The following PRICKLE2 variants were observed in gnomAD, a reference collection of about 807,000 sequenced individuals.
PRICKLE2 encodes prickle-like protein 2.
Under a neutral mutation model 81.4 loss-of-function variants are expected in PRICKLE2, and 21 were observed. That is an observed-to-expected ratio of 0.26 (90% CI 0.18 to 0.37). The LOEUF (loss-of-function observed/expected upper bound fraction) is 0.37, where lower values mean the gene tolerates loss of function less well. PRICKLE2 is among the 10% of genes least tolerant of loss of function. PRICKLE2 has a pLI of 1.00. For synonymous variants in PRICKLE2, 456 were observed against 421.5 expected (o/e 1.08, Z -1.00); for missense variants, 940 against 1,109.0 (o/e 0.85, Z 2.16).
intron 2 of PRICKLE2, among the ~76,000 whole-genome samples, chr3:64,261,393 C>T (rs762616835): frequency 1.2e-4 from 19 of 152,238 alleles, no homozygotes; most frequent in Admixed American, 3.9e-4. Flanking sequence ...GGTACTGTCA[C>T]TGAAGATGGG....
chr3:64,099,460 G>T lies in PRICKLE2; in HGVS notation c.2126C>A (p.Ser709Tyr). 1 of 1,585,128 alleles carries T rather than the reference G, an allele frequency of 6.3e-7. No individual in the cohort carries two copies. The highest frequency in any genetic ancestry group is 1.1e-5 in the South Asian group (1 of 87,890). Residue 709 changes from serine (S) to tyrosine (Y), a missense_variant, in exon 8 of 8, where the codon TCC (serine) becomes TAC (tyrosine). By Grantham distance (144) the Ser-to-Tyr change is moderately radical. Around this residue, in one of 2 missense-constraint regions of PRICKLE2, gnomAD observed 670 missense variants for 717.2 expected, o/e 0.93. Coordinates refer to ENST00000638394, the MANE Select transcript of PRICKLE2 (RefSeq NM_198859.4). The surrounding 1 kb of genome is among the most constrained non-coding windows in gnomAD (Gnocchi z 4.3). Reference sequence around the variant, plus strand: ...CAGAGGGGGCCTATCTTTTAACCGGGAGATGGCCTCGCGTTCGCTGGCCAG... The same window carrying T: ...CAGAGGGGGCCTATCTTTTAACCGGTAGATGGCCTCGCGTTCGCTGGCCAG... ...LHLASEREAI[S>Y]RLKDRPPLRA...
rs2076590565 is a variant in PRICKLE2, at chr3:64,097,674, A to G, written c.*1377T>C. ...CTCCCAACAAAGCCTGTTTTTTTAA[A>G]GACATTGCACCACTGAAATCTCAGC... On this transcript the variant is annotated 3_prime_UTR_variant, in exon 8 of 8. Coordinates refer to ENST00000638394, the MANE Select transcript of PRICKLE2 (RefSeq NM_198859.4). 1 of 152,634 alleles carries G rather than the reference A, an allele frequency of 6.6e-6. No homozygotes were observed. The highest frequency in any genetic ancestry group is 2.1e-4 in the South Asian group (1 of 4,822). The allele number at this position is 152,634 out of a possible 1,614,324, so 9.5% of individuals were successfully genotyped here.
chr3:64,147,199 C>T lies in PRICKLE2; in HGVS notation c.1291G>A (p.Gly431Arg), dbSNP rs748095266. 1 of 1,612,672 alleles carries T rather than the reference C, an allele frequency of 6.2e-7. No individual in the cohort carries two copies. The highest frequency in any genetic ancestry group is 8.5e-7 in the Non-Finnish European group (1 of 1,179,276). The change falls in exon 7 of 8, where the codon GGA becomes AGA. Residue 431 changes from glycine (G) to arginine (R), a missense_variant. Physicochemically the swap from Gly to Arg is moderately radical, Grantham distance 125. Transcript: ENST00000638394. This position sits in a 1 kb window ranked among gnomAD's most constrained non-coding sequence, Gnocchi z 5.0. ...GGCTGGGCCCCAGCCCCTTGCCCTCCTGGACTGTAGGAAGTTCTGATGTTG... is the reference window on the plus strand; with the variant it reads ...GGCTGGGCCCCAGCCCCTTGCCCTCTTGGACTGTAGGAAGTTCTGATGTTG... ...QCNIRTSYSP[G>R]GQGAGAQPEM...
rs1021729515 is a variant in PRICKLE2, at chr3:64,160,038, C to T, written c.298G>A (p.Glu100Lys). Residue 100 changes from glutamate to lysine, a missense_variant, in exon 4 of 8, where the codon GAG becomes AAG. Around this residue, in one of 2 missense-constraint regions of PRICKLE2, gnomAD observed 270 missense variants for 391.8 expected, o/e 0.69. Coordinates refer to ENST00000638394, the MANE Select transcript of PRICKLE2 (RefSeq NM_198859.4). The stretch of plus-strand genomic sequence containing the variant: ...CTCTGGCTGCTGAAAAGCTTCAGCT[C>T]CCTCTTCTCTTCCTCATCCAGGGAG... ...CNSLDEEEKR[E>K]LKLFSSQRKR... 2.5e-6 allele frequency: 4 copies of T among 1,613,960 alleles called. No individual in the cohort carries two copies. The highest frequency in any genetic ancestry group is 1.3e-5 in the African/African-American group (1 of 74,906).
At chr3:64,119,019 A>G (rs1559519732) in intron 7 of PRICKLE2, among the ~76,000 whole-genome samples, 1 of 152,238 alleles carries the variant, frequency 6.6e-6, no homozygotes, top group South Asian at 2.1e-4. Flanking sequence ...GTACATATAC[A>G]CCATAGAATA....
At position 64,099,000 on chromosome 3, in the gene PRICKLE2, G is replaced by T; in HGVS notation, c.*51C>A. The T allele has an allele frequency of 1.2e-6, 2 of 1,608,060 alleles. No individual in the cohort carries two copies. Among genetic ancestry groups the T allele is most frequent in the South Asian group, 2.2e-5 (2 of 90,782 alleles). On this transcript the variant is annotated 3_prime_UTR_variant, in exon 8 of 8. Coordinates refer to ENST00000638394, the MANE Select transcript of PRICKLE2 (RefSeq NM_198859.4). ...AACATTTAAAACAGTGCAAGTTTCTGACTTTACATTCTTAGCTCCCATCTT... is the reference window on the plus strand; with the variant it reads ...AACATTTAAAACAGTGCAAGTTTCTTACTTTACATTCTTAGCTCCCATCTT...
At chr3:64,153,690 A>C (rs779592700) in intron 5 of PRICKLE2, 5 of 331,436 alleles carry the variant, frequency 1.5e-5, no homozygotes, top group Non-Finnish European at 2.8e-5. Context: ...TTGGACATAC[A>C]TATCTGCTTC....
At chr3:64,258,328 C>A (rs2079558482) in intron 2 of PRICKLE2, among the ~76,000 whole-genome samples, 1 of 152,144 alleles carries the variant, frequency 6.6e-6, no homozygotes, top group Non-Finnish European at 1.5e-5. Context: ...AAACTCCCAG[C>A]AACAATTGAA....
chr3:64,117,286 G>A (rs2076949393), intron 7 of PRICKLE2, among the ~76,000 whole-genome samples: 1 of 152,126 alleles, frequency 6.6e-6, no homozygotes, highest in Admixed American at 6.5e-5. Flanking sequence ...TTGAAAACCA[G>A]CATAAGACAA....
intron 7 of PRICKLE2, among the ~76,000 whole-genome samples, chr3:64,126,878 G>A: frequency 6.6e-6 from 1 of 152,110 alleles, no homozygotes; most frequent in African/African-American, 2.4e-5. Flanking sequence ...GCCCGGCCTT[G>A]TGGGCAGGTT....
intron 1 of PRICKLE2, chr3:64,199,330 C>A (rs2078525028): frequency 2.8e-6 from 1 of 356,524 alleles, no homozygotes; most frequent in Non-Finnish European, 5.1e-6. Context: ...ACTGCAATAG[C>A]AATTAAATAT....
intron 1 of PRICKLE2, among the ~76,000 whole-genome samples, chr3:64,207,787 G>T (rs2078715540): frequency 6.6e-6 from 1 of 152,186 alleles, no homozygotes; most frequent in East Asian, 1.9e-4. Context: ...TTCTGTGCAA[G>T]TGGAGAGAGA....
intron 2 of PRICKLE2, among the ~76,000 whole-genome samples, chr3:64,261,781 C>G (rs777801077): frequency 6.6e-6 from 1 of 152,158 alleles, no homozygotes; most frequent in Middle Eastern, 3.4e-3. Context: ...GAGGTAGGCA[C>G]GGGCTAGAAC....
intron 2 of PRICKLE2, among the ~76,000 whole-genome samples, chr3:64,241,449 A>G (rs998592215): frequency 1.3e-5 from 2 of 152,258 alleles, no homozygotes; most frequent in Non-Finnish European, 2.9e-5. Context: ...ATGTGTGCAT[A>G]CACATACATG....
At chr3:64,220,897 TTG>T (rs2078942008) in intron 1 of PRICKLE2, among the ~76,000 whole-genome samples, 2 of 152,326 alleles carry the variant, frequency 1.3e-5, no homozygotes, top group African/African-American at 4.8e-5. Context: ...CAGGCTCATA[TTG>T]TACTTGAAAA....
chr3:64,256,929 G>A (rs547489727), intron 2 of PRICKLE2, among the ~76,000 whole-genome samples: 38 of 152,266 alleles, frequency 2.5e-4, no homozygotes, highest in African/African-American at 8.9e-4. Context: ...TTGGCACTGA[G>A]TCTAATTTCA....
chr3:64,134,461 C>A (rs571678253), intron 7 of PRICKLE2, among the ~76,000 whole-genome samples: 16 of 152,294 alleles, frequency 1.1e-4, no homozygotes, highest in African/African-American at 3.8e-4. Flanking sequence ...CTCGGCACTG[C>A]TGGCTTATGG....
At chr3:64,148,301 T>C (rs922495533) in intron 6 of PRICKLE2, among the ~76,000 whole-genome samples, 2 of 152,364 alleles carry the variant, frequency 1.3e-5, no homozygotes, top group Non-Finnish European at 2.9e-5. Context: ...TGATTCTCCA[T>C]TACTCTCCAC....
At chr3:64,199,138 G>A in intron 1 of PRICKLE2, 171 bp from the exon 2 acceptor site, 1 of 668,964 alleles carries the variant, frequency 1.5e-6, no homozygotes, top group Non-Finnish European at 2.6e-6. Context: ...CTTTGCAGAG[G>A]GCGTGGTACA....
Sources: allele counts gnomAD v4.1 joint callset (sites outside exome capture counted in the v4.1 genomes callset), GRCh38; gene constraint gnomAD v4.1.1; regional missense constraint gnomAD v4.1.1; non-coding constraint Gnocchi (gnomAD v3.1); transcripts MANE v1.5; gene names NCBI Gene and HGNC (gene_info 2026-07-23, HGNC 2026-07-21).